Variants in IMMP2L observed in about 807,000 individuals in gnomAD.
IMMP2L encodes inner mitochondrial membrane peptidase subunit 2.
In IMMP2L, 18 loss-of-function variants were observed where a neutral mutation model predicts 19.3. The observed-to-expected ratio is 0.93, with a 90% CI of 0.64 to 1.38. The LOEUF (loss-of-function observed/expected upper bound fraction) is 1.38. Among genes scored for constraint, IMMP2L ranks in the 40% most tolerant of loss-of-function variants. IMMP2L has a pLI of 0.00. For synonymous variants in IMMP2L, 76 were observed against 73.0 expected (o/e 1.04, Z -0.21); for missense variants, 233 against 218.2 (o/e 1.07, Z -0.43).
At chr7:111,327,761 G>T (rs1463009035) in intron 3 of IMMP2L, among the ~76,000 whole-genome samples, 1 of 151,504 alleles carries the variant, frequency 6.6e-6, no homozygotes, top group Non-Finnish European at 1.5e-5. Flanking sequence ...AATAAATGCA[G>T]AAGTAGAAAG....
intron 3 of IMMP2L, among the ~76,000 whole-genome samples, chr7:111,030,788 A>AT (rs1790675826): frequency 1.4e-5 from 1 of 69,582 alleles, no homozygotes; most frequent in African/African-American, 7.8e-5. Flanking sequence ...AAAAGTATAT[A>AT]TATGTGTATG....
At chr7:110,817,865 G>A (rs955279389) in intron 5 of IMMP2L, among the ~76,000 whole-genome samples, 1 of 152,050 alleles carries the variant, frequency 6.6e-6, no homozygotes, top group Non-Finnish European at 1.5e-5. Context: ...AATGGGGAAT[G>A]GATTTCCTAT....
At chr7:111,328,165 C>G (rs1237496684) in intron 3 of IMMP2L, among the ~76,000 whole-genome samples, 1 of 151,692 alleles carries the variant, frequency 6.6e-6, no homozygotes, top group Non-Finnish European at 1.5e-5. Flanking sequence ...ACAGCTCTCT[C>G]AGAGTATTCT....
chr7:110,843,001 C>G (rs74760140), intron 5 of IMMP2L, among the ~76,000 whole-genome samples: 1 of 151,896 alleles, frequency 6.6e-6, no homozygotes, highest in African/African-American at 2.4e-5. Flanking sequence ...TTAGCTATAT[C>G]GAATCAGATA....
chr7:111,394,062 T>C (rs759525294), intron 3 of IMMP2L, among the ~76,000 whole-genome samples: 21 of 152,172 alleles, frequency 1.4e-4, no homozygotes, highest in African/African-American at 1.9e-4. Flanking sequence ...ACATATTTCA[T>C]TGATGATAAT....
intron 3 of IMMP2L, among the ~76,000 whole-genome samples, chr7:111,065,929 C>A (rs372816803): frequency 6.7e-6 from 1 of 150,136 alleles, no homozygotes; most frequent in East Asian, 2.0e-4. Flanking sequence ...CGCGTGTATG[C>A]GCGCGCACGC....
intron 3 of IMMP2L, among the ~76,000 whole-genome samples, chr7:111,137,222 A>G (rs1366861225): frequency 6.6e-6 from 1 of 152,162 alleles, no homozygotes; most frequent in African/African-American, 2.4e-5. Context: ...TTATAGTGGT[A>G]TAACAGAAAT....
chr7:111,103,715 C>T (rs1798231638), intron 3 of IMMP2L, among the ~76,000 whole-genome samples: 1 of 151,676 alleles, frequency 6.6e-6, no homozygotes, highest in South Asian at 2.1e-4. Flanking sequence ...AGTAACCACT[C>T]TGTATGTGTC....
intron 5 of IMMP2L, among the ~76,000 whole-genome samples, chr7:110,701,916 C>A (rs955003168): frequency 3.3e-5 from 5 of 151,900 alleles, no homozygotes; most frequent in Admixed American, 3.3e-4. Context: ...AATTGTGTTG[C>A]TGAATGGTTT....
chr7:111,216,909 G>T (rs1211609936), intron 3 of IMMP2L, among the ~76,000 whole-genome samples: 4 of 151,956 alleles, frequency 2.6e-5, no homozygotes, highest in African/African-American at 9.7e-5. Flanking sequence ...ACCTTTGAAG[G>T]GTGGGGGAAA....
At chr7:111,198,028 T>C (rs753346481) in intron 3 of IMMP2L, among the ~76,000 whole-genome samples, 15 of 152,160 alleles carry the variant, frequency 9.9e-5, no homozygotes, top group Non-Finnish European at 1.9e-4. Context: ...GAAGAGTACA[T>C]AGATAATCTA....
chr7:110,811,493 G>A (rs1802033406), intron 5 of IMMP2L, among the ~76,000 whole-genome samples: 1 of 151,944 alleles, frequency 6.6e-6, no homozygotes, highest in African/African-American at 2.4e-5. Flanking sequence ...CAATGCAGCT[G>A]GAACAGGTGA....
chr7:111,109,762 T>C (rs1030503560), intron 3 of IMMP2L, among the ~76,000 whole-genome samples: 1 of 152,214 alleles, frequency 6.6e-6, no homozygotes, highest in African/African-American at 2.4e-5. Context: ...ACAATATGAC[T>C]GTGACTACTA....
At chr7:111,116,617 C>T (rs575931088) in intron 3 of IMMP2L, among the ~76,000 whole-genome samples, 43 of 152,080 alleles carry the variant, frequency 2.8e-4, no homozygotes, top group South Asian at 8.3e-4. Context: ...AAATTTAGTG[C>T]ATATTTTGTG....
intron 3 of IMMP2L, among the ~76,000 whole-genome samples, chr7:111,258,943 T>G (rs540969833): frequency 1.3e-5 from 2 of 152,184 alleles, no homozygotes; most frequent in Non-Finnish European, 2.9e-5. Context: ...AATCATTATG[T>G]GAAGTGTACT....
At chr7:111,452,956 C>T (rs1839348936) in intron 3 of IMMP2L, among the ~76,000 whole-genome samples, 1 of 152,132 alleles carries the variant, frequency 6.6e-6, no homozygotes, top group East Asian at 1.9e-4. Flanking sequence ...ACTGGCCAAT[C>T]TCAAATACCT....
At chr7:111,495,096 C>T (rs536415253) in intron 2 of IMMP2L, among the ~76,000 whole-genome samples, 4 of 151,974 alleles carry the variant, frequency 2.6e-5, no homozygotes, top group Non-Finnish European at 5.9e-5. Context: ...GAATTTTACA[C>T]CCGTTATGTT....
intron 3 of IMMP2L, among the ~76,000 whole-genome samples, chr7:111,117,465 A>C (rs763875957): frequency 7.9e-5 from 12 of 152,106 alleles, no homozygotes; most frequent in Non-Finnish European, 1.6e-4. Flanking sequence ...TCAATTTCTC[A>C]TTGACATCAG....
intron 3 of IMMP2L, among the ~76,000 whole-genome samples, chr7:111,107,259 T>C (rs973885647): frequency 6.6e-6 from 1 of 152,010 alleles, no homozygotes; most frequent in Non-Finnish European, 1.5e-5. Flanking sequence ...GAAGAAAAGT[T>C]TTTATATAAA....
Sources: gnomAD v4.1 joint callset for allele counts (sites outside exome capture counted in the v4.1 genomes callset) on GRCh38, gnomAD v4.1.1 for gene constraint, MANE v1.5 for transcripts, NCBI Gene and HGNC (gene_info 2026-07-23, HGNC 2026-07-21) for gene names.